The following LRRC8C variants were observed in gnomAD, a reference collection of about 807,000 sequenced individuals.
LRRC8C encodes leucine rich repeat containing 8 VRAC subunit C.
Under a neutral mutation model 55.3 loss-of-function variants are expected in LRRC8C, and 20 were observed. That is an observed-to-expected ratio of 0.36 (90% CI 0.25 to 0.53). The LOEUF is 0.53. Among genes scored for constraint, LRRC8C ranks in the 20% least tolerant of loss-of-function variants. LRRC8C has a pLI of 0.92. For missense variants in LRRC8C, 659 were observed against 951.4 expected (o/e 0.69, Z 4.04); for synonymous variants, 376 against 360.7 (o/e 1.04, Z -0.48).
At position 89,714,091 on chromosome 1, in the gene LRRC8C, C is replaced by T. The variant is rs750706829; in HGVS notation, c.1521C>T (p.Pro507=). The T allele has an allele frequency of 1.9e-6, 3 of 1,613,974 alleles. No homozygotes were observed. The highest frequency in any genetic ancestry group is 1.3e-5 in the African/African-American group (1 of 74,918). ...AGTTTGATGACATGAGGGAACTCCC[C>T]CCCTGGATGTATGGGCTCCGAAATC... ...SVKFDDMREL[P]PWMYGLRNLE... Residue 507 remains proline, a synonymous_variant, in exon 3 of 3, where the codon CCC becomes CCT. Coordinates refer to ENST00000370454, the MANE Select transcript of LRRC8C (RefSeq NM_032270.5). The surrounding 1 kb of genome is among the most constrained non-coding windows in gnomAD (Gnocchi z 4.6).
chr1:89,662,005 C>T (rs981990036), intron 1 of LRRC8C, among the ~76,000 whole-genome samples: 1 of 152,106 alleles, frequency 6.6e-6, no homozygotes, highest in Non-Finnish European at 1.5e-5. Flanking sequence ...AGAGCTGTTG[C>T]AAATGCAAAA....
chr1:89,689,720 C>T (rs1377287373), intron 2 of LRRC8C, among the ~76,000 whole-genome samples: 1 of 152,100 alleles, frequency 6.6e-6, no homozygotes, highest in Non-Finnish European at 1.5e-5. Flanking sequence ...GTGGGTGGCT[C>T]ACCTGGGGTC....
At chr1:89,656,261 C>T (rs1034728105) in intron 1 of LRRC8C, among the ~76,000 whole-genome samples, 1 of 152,216 alleles carries the variant, frequency 6.6e-6, no homozygotes, top group Non-Finnish European at 1.5e-5. Context: ...ATAAAGGCAG[C>T]TGTGTTTCTG....
Position 89,713,614 on chromosome 1 carries a change from A to C in LRRC8C, c.1044A>C (p.Glu348Asp), listed in dbSNP as rs1003770809. The C allele has an allele frequency of 1.9e-6, 3 of 1,614,158 alleles. No homozygotes were observed. Among genetic ancestry groups the C allele is most frequent in the African/African-American group, 2.7e-5 (2 of 75,054 alleles). Residue 348 changes from glutamate to aspartate, a missense_variant, in exon 3 of 3, where the codon GAA (glutamate) becomes GAC (aspartate). Glu to Asp is a conservative substitution (Grantham distance 45). Transcript: ENST00000370454. This position sits in a 1 kb window ranked among gnomAD's most constrained non-coding sequence, Gnocchi z 5.2. The part of the protein sequence containing the change: ...LYWLFYRSLR[E>D]YSFEYVRQET... ...GGCTGTTCTACCGTTCTCTACGGGA[A>C]TATTCCTTTGAGTATGTCCGTCAGG...
In LRRC8C at chr1:89,713,337, A is replaced by G. The variant is rs1399907932; in HGVS notation, c.767A>G (p.Asp256Gly). ...KKFRLHVEEG[D>G]ILYAMYVRQT... ...TTCAGGCTGCATGTGGAAGAAGGTGATATTCTATATGCCATGTATGTTCGC... is the reference window on the plus strand; with the variant it reads ...TTCAGGCTGCATGTGGAAGAAGGTGGTATTCTATATGCCATGTATGTTCGC... Residue 256 changes from aspartate (D) to glycine (G), a missense_variant, in exon 3 of 3, where the codon GAT becomes GGT. Asp to Gly is a moderately conservative substitution (Grantham distance 94). This residue lies in a region of LRRC8C where 200 missense variants were observed against 360.5 expected (regional missense o/e 0.55). Transcript: ENST00000370454. This position sits in a 1 kb window ranked among gnomAD's most constrained non-coding sequence, Gnocchi z 5.2. 1 of 1,614,206 alleles carries G rather than the reference A, an allele frequency of 6.2e-7. No homozygotes were observed. The highest frequency in any genetic ancestry group is 8.5e-7 in the Non-Finnish European group (1 of 1,180,036).
chr1:89,691,732 C>T (rs1658032098), intron 2 of LRRC8C, among the ~76,000 whole-genome samples: 1 of 152,112 alleles, frequency 6.6e-6, no homozygotes, highest in South Asian at 2.1e-4. Flanking sequence ...CTCCATGAGG[C>T]GTCTGTCACC....
At chr1:89,630,028 G>C (rs1483702298), upstream of LRRC8C, among the ~76,000 whole-genome samples, 1 of 152,146 alleles carries the variant, frequency 6.6e-6, no homozygotes, top group Non-Finnish European at 1.5e-5. Context: ...AAATTAGCTG[G>C]GCGTGGTGGC....
At chr1:89,694,989 T>C (rs1404678529) in intron 2 of LRRC8C, among the ~76,000 whole-genome samples, 2 of 151,238 alleles carry the variant, frequency 1.3e-5, no homozygotes, top group Admixed American at 6.6e-5. Context: ...TGGCTCAATC[T>C]TGGCTCACTG....
chr1:89,712,859 AAAGGCCTG>A lies in LRRC8C; in HGVS notation c.293_300del (p.Gly98AspfsTer17). The stretch of plus-strand genomic sequence containing the variant: ...TGCTAACCCCATCACTGTGGAAATG[AAAGGCCTG>A]AAGACAGATTTGGACCTTCAGCAGT... On this transcript the variant is annotated frameshift_variant, in exon 3 of 3. Coordinates refer to ENST00000370454, the MANE Select transcript of LRRC8C (RefSeq NM_032270.5). LOFTEE classifies it high-confidence loss of function. 6.2e-7 allele frequency: 1 copy of A among 1,614,180 alleles called. No individual in the cohort carries two copies. The highest frequency in any genetic ancestry group is 8.5e-7 in the Non-Finnish European group (1 of 1,180,016).
At chr1:89,633,992 T>C (rs1656210882) in intron 1 of LRRC8C, among the ~76,000 whole-genome samples, 1 of 152,064 alleles carries the variant, frequency 6.6e-6, no homozygotes, top group Non-Finnish European at 1.5e-5. Context: ...ATGAGATGAT[T>C]AGGGATGGAG....
intron 1 of LRRC8C, among the ~76,000 whole-genome samples, chr1:89,674,164 T>C (rs1472299012): frequency 8.5e-5 from 13 of 152,242 alleles, no homozygotes; most frequent in Admixed American, 8.5e-4. Context: ...TTAAAGAACA[T>C]ATCTATCTTC....
intron 2 of LRRC8C, among the ~76,000 whole-genome samples, chr1:89,699,027 A>G (rs1190042089): frequency 1.3e-5 from 2 of 152,176 alleles, no homozygotes; most frequent in Non-Finnish European, 2.9e-5. Flanking sequence ...AAACAATGGA[A>G]TGCTATATAG....
intron 2 of LRRC8C, among the ~76,000 whole-genome samples, chr1:89,707,151 A>G (rs1401580384): frequency 7.0e-6 from 1 of 143,586 alleles, no homozygotes; most frequent in Non-Finnish European, 1.5e-5. Context: ...TCATGCCTGT[A>G]ATCCCAGCAC....
the LRRC8C span, among the ~76,000 whole-genome samples, chr1:89,625,551 T>C: frequency 6.6e-6 from 1 of 151,064 alleles, no homozygotes; most frequent in African/African-American, 2.4e-5. Context: ...CCAAAAATGC[T>C]AAAAAAAAAT....
chr1:89,700,032 A>G (rs192451041), intron 2 of LRRC8C, among the ~76,000 whole-genome samples: 4 of 152,314 alleles, frequency 2.6e-5, no homozygotes, highest in Admixed American at 2.0e-4. Context: ...TCTTGGGGAA[A>G]GTGCTTAGTC....
At chr1:89,652,939 A>G (rs1339476274) in intron 1 of LRRC8C, among the ~76,000 whole-genome samples, 1 of 152,170 alleles carries the variant, frequency 6.6e-6, no homozygotes, top group East Asian at 1.9e-4. Context: ...GACAGCAAAT[A>G]TAAATATGTT....
At chr1:89,686,662 A>T (rs1457427702) in intron 2 of LRRC8C, 51 bp downstream of exon 2, 2 of 1,599,662 alleles carry the variant, frequency 1.3e-6, no homozygotes, top group Non-Finnish European at 1.7e-6. Context: ...AGCACAAGTC[A>T]TTGAAACCTC....
chr1:89,618,751 T>C, the LRRC8C span, among the ~76,000 whole-genome samples: 1 of 152,212 alleles, frequency 6.6e-6, no homozygotes, highest in East Asian at 1.9e-4. Flanking sequence ...TAAAAGTACT[T>C]TCTAAAGATA....
rs1280367430 is a variant in LRRC8C at position 89,714,847 on chromosome 1, A to G, written c.2277A>G (p.Val759=). ...TGCTATTTCTTTCCTACTTAGATGT[A>G]AAAGGTAATCACTTTGAAATCCTCC... ...GNLLFLSYLD[V]KGNHFEILPP... The change falls in exon 3 of 3, where the codon GTA becomes GTG. Residue 759 remains valine (V), a synonymous_variant. Coordinates refer to ENST00000370454, the MANE Select transcript of LRRC8C (RefSeq NM_032270.5). This position sits in a 1 kb window ranked among gnomAD's most constrained non-coding sequence, Gnocchi z 4.6. The G allele has an allele frequency of 1.9e-6, 3 of 1,614,160 alleles. No individual in the cohort carries two copies. The highest frequency in any genetic ancestry group is 1.7e-4 in the Middle Eastern group (1 of 6,060).
Sources: allele counts gnomAD v4.1 joint callset (sites outside exome capture counted in the v4.1 genomes callset), GRCh38; gene constraint gnomAD v4.1.1; regional missense constraint gnomAD v4.1.1; non-coding constraint Gnocchi (gnomAD v3.1); transcripts MANE v1.5; gene names NCBI Gene and HGNC (gene_info 2026-07-23, HGNC 2026-07-21).